The following CNNM2 variants were observed in gnomAD, a reference collection of about 807,000 sequenced individuals.
CNNM2 encodes the protein metal transporter CNNM2.
A neutral mutation model predicts 66.9 loss-of-function variants in CNNM2; 12 were observed. The ratio of observed to expected loss-of-function variants is 0.18; its 90% CI spans 0.11 to 0.29. The LOEUF (loss-of-function observed/expected upper bound fraction) is 0.29, where lower values mean the gene tolerates loss of function less well. Among genes scored for constraint, CNNM2 ranks in the 10% least tolerant of loss-of-function variants. The pLI, the probability that CNNM2 is intolerant of heterozygous loss-of-function variation, is 1.00. For synonymous variants in CNNM2, 557 were observed against 501.8 expected, an observed-to-expected ratio of 1.11 and a Z score of -1.47; for missense variants, 705 against 1,167.7, an observed-to-expected ratio of 0.60 and a Z score of 5.77.
At chr10:102,985,222 T>G (rs1401396813) in intron 1 of CNNM2, among the ~76,000 whole-genome samples, 1 of 152,190 alleles carries the variant, frequency 6.6e-6, no homozygotes, top group Non-Finnish European at 1.5e-5. Context: ...CTAAAACAAT[T>G]TGAATAGCGG....
chr10:102,961,606 G>A (rs776716789), intron 1 of CNNM2, among the ~76,000 whole-genome samples: 1 of 151,834 alleles, frequency 6.6e-6, no homozygotes, highest in Non-Finnish European at 1.5e-5. Flanking sequence ...GACTAGCTTA[G>A]CATTTTAATT....
In CNNM2 at chr10:103,077,593, G is replaced by GT. The variant is rs1459741825; in HGVS notation, c.*414dup. On this transcript the variant is annotated 3_prime_UTR_variant, in exon 8 of 8. Transcript: ENST00000369878. Reference sequence around the variant, plus strand: ...TAAGTTGTTCTGTCTGAACTCTGCTGTGATCCCATGATGTGACCCTGATGG... The same window carrying GT: ...TAAGTTGTTCTGTCTGAACTCTGCTGTTGATCCCATGATGTGACCCTGATGG... 3.7e-5 allele frequency: 7 copies of GT among 187,480 alleles called. No individual in the cohort carries two copies. The South Asian group carries it at 4.6e-4, about 12-fold the overall frequency. The allele number at this position is 187,480 out of a possible 1,614,324, so 11.6% of individuals were successfully genotyped here.
chr10:102,961,936 T>A lies in CNNM2; in HGVS notation c.1621+41835T>A, dbSNP rs1024265904. ...AAATATTAAAAAAAAATAAGAAAGGTTGTCTAACGATACTTATAAAAAACA... is the reference window on the plus strand; with the variant it reads ...AAATATTAAAAAAAAATAAGAAAGGATGTCTAACGATACTTATAAAAAACA... On this transcript the variant is annotated intron_variant, in intron 1 of 7. Coordinates refer to ENST00000369878, the MANE Select transcript of CNNM2 (RefSeq NM_017649.5). Among the ~76,000 whole-genome samples the A allele has an allele frequency of 3.4e-4, 52 of 151,070 alleles. 1 individual carries two copies. Among genetic ancestry groups the A allele is most frequent in the African/African-American group, 1.2e-3 (51 of 40,962 alleles).
intron 1 of CNNM2, among the ~76,000 whole-genome samples, chr10:102,936,517 C>CT (rs34398870): frequency 0.042 from 5,194 of 123,750 alleles, 349 homozygotes; most frequent in African/African-American, 0.14. Flanking sequence ...AAACTCTTTG[C>CT]TTTTTTTTTT....
intron 1 of CNNM2, among the ~76,000 whole-genome samples, chr10:102,938,129 T>C (rs970632592): frequency 7.9e-5 from 12 of 151,156 alleles, no homozygotes; most frequent in African/African-American, 2.7e-4. Flanking sequence ...TGAGACCTCA[T>C]CTCTACAAAA....
chr10:102,933,063 T>C (rs1439927785), intron 1 of CNNM2, among the ~76,000 whole-genome samples: 1 of 152,226 alleles, frequency 6.6e-6, no homozygotes, highest in Non-Finnish European at 1.5e-5. Context: ...ATTAGAAAGT[T>C]TGAATCCTCC....
At position 103,054,296 on chromosome 10, in the gene CNNM2, C is replaced by CTTTTTTTTTTTTT; in HGVS notation, c.1766-24_1766-23insTTTTTTTTTTTTT. The CTTTTTTTTTTTTT allele has an allele frequency of 6.3e-7, 1 of 1,591,402 alleles. No individual in the cohort carries two copies. Among genetic ancestry groups the CTTTTTTTTTTTTT allele is most frequent in the Non-Finnish European group, 8.6e-7 (1 of 1,165,214 alleles). ...AGCCCTCATCTCATGGGATGCATTT[C>CTTTTTTTTTTTTT]TTTTTTTTTCTCTCTTTTAATTCCT... On this transcript the variant is annotated intron_variant, in intron 2 of 7. Transcript: ENST00000369878. This position sits in a 1 kb window ranked among gnomAD's most constrained non-coding sequence, Gnocchi z 5.2.
chr10:103,003,779 A>T (rs2064170221), intron 1 of CNNM2, among the ~76,000 whole-genome samples: 1 of 151,540 alleles, frequency 6.6e-6, no homozygotes, highest in Non-Finnish European at 1.5e-5. Flanking sequence ...TCTTTTTTTT[A>T]AAACACTATT....
At chr10:102,950,542 G>C (rs1233368798) in intron 1 of CNNM2, among the ~76,000 whole-genome samples, 2 of 152,026 alleles carry the variant, frequency 1.3e-5, no homozygotes, top group Admixed American at 6.6e-5. Flanking sequence ...CGGGAGGATT[G>C]CTTGGAGCTA....
At chr10:102,922,697 T>G (rs1199515598) in intron 1 of CNNM2, among the ~76,000 whole-genome samples, 1 of 152,120 alleles carries the variant, frequency 6.6e-6, no homozygotes, top group East Asian at 1.9e-4. Context: ...TCCCAGCACT[T>G]TGGGAGGCCA....
intron 1 of CNNM2, among the ~76,000 whole-genome samples, chr10:103,049,349 C>T (rs566590662): frequency 6.6e-6 from 1 of 152,154 alleles, no homozygotes; most frequent in Non-Finnish European, 1.5e-5. Context: ...TCATGGACCT[C>T]CTATAAGGGT....
intron 1 of CNNM2, among the ~76,000 whole-genome samples, chr10:103,011,867 A>AT (rs2064350071): frequency 1.3e-5 from 2 of 151,726 alleles, no homozygotes; most frequent in Admixed American, 6.6e-5. Flanking sequence ...TAATTTTTGT[A>AT]TTTTTAGTAG....
intron 1 of CNNM2, among the ~76,000 whole-genome samples, chr10:102,935,418 A>G (rs1254005981): frequency 6.6e-6 from 1 of 151,932 alleles, no homozygotes; most frequent in East Asian, 1.9e-4. Context: ...CTGTGATCAC[A>G]CCTCTGCAAT....
At chr10:102,999,122 G>C (rs1195342587) in intron 1 of CNNM2, among the ~76,000 whole-genome samples, 1 of 150,728 alleles carries the variant, frequency 6.6e-6, no homozygotes, top group Non-Finnish European at 1.5e-5. Flanking sequence ...CCAGGCTTGA[G>C]TGTAGTGGCG....
In CNNM2 at chr10:103,076,237, G is replaced by T. The variant is rs370749106; in HGVS notation, c.2385G>T (p.Ser795=). The change falls in exon 7 of 8, where the codon TCG becomes TCT. Residue 795 remains serine, a synonymous_variant. Transcript: ENST00000369878. ...SLLQVYIPDY[S]VRALSDLQFV... ...TCCAAGTCTACATCCCCGATTACTC[G>T]GTGCGAGCCCTTTCGGATCTGCAGT... 15 of 1,569,914 alleles carry T rather than the reference G, an allele frequency of 9.6e-6. No individual in the cohort carries two copies. The highest frequency in any genetic ancestry group is 1.7e-4 in the Middle Eastern group (1 of 6,040).
intron 4 of CNNM2, among the ~76,000 whole-genome samples, chr10:103,067,383 G>GA (rs2065497579): frequency 6.6e-6 from 1 of 152,128 alleles, no homozygotes; most frequent in Non-Finnish European, 1.5e-5. Context: ...GCATCCTGAT[G>GA]AAGAGCTTGT....
chr10:103,005,079 A>G (rs980453198), intron 1 of CNNM2, among the ~76,000 whole-genome samples: 2 of 151,480 alleles, frequency 1.3e-5, no homozygotes, highest in African/African-American at 4.8e-5. Context: ...CACCCAGCTA[A>G]TTTTTTTGTA....
At chr10:102,940,293 T>C (rs1214044283) in intron 1 of CNNM2, among the ~76,000 whole-genome samples, 1 of 152,028 alleles carries the variant, frequency 6.6e-6, no homozygotes, top group Non-Finnish European at 1.5e-5. Context: ...TTGATCTGTT[T>C]TGAAAACGCA....
At chr10:103,057,087 G>A (rs1175739312) in intron 4 of CNNM2, 123 bp downstream of exon 4, 4 of 889,102 alleles carry the variant, frequency 4.5e-6, no homozygotes, top group Non-Finnish European at 6.9e-6. Flanking sequence ...CTTAGACATG[G>A]GAGAATTTTA....
Sources: gnomAD v4.1 joint callset for allele counts (sites outside exome capture counted in the v4.1 genomes callset) on GRCh38, gnomAD v4.1.1 for gene constraint, Gnocchi (gnomAD v3.1) non-coding constraint, MANE v1.5 for transcripts, NCBI Gene and HGNC (gene_info 2026-07-23, HGNC 2026-07-21) for gene names.